Variants in ARHGAP36 observed in about 807,000 individuals in gnomAD.
The protein encoded by ARHGAP36 is Rho GTPase activating protein 36, also known as rho GTPase-activating protein 36.
ARHGAP36 carries 7 observed loss-of-function variants against 32.9 expected under a neutral mutation model. That is an observed-to-expected ratio of 0.21 (90% confidence interval 0.12 to 0.40). The LOEUF (loss-of-function observed/expected upper bound fraction) is 0.40, where lower values mean the gene tolerates loss of function less well. ARHGAP36 is among the 10% of genes least tolerant of loss of function. ARHGAP36 has a pLI of 1.00. For synonymous variants in ARHGAP36, 165 were observed against 168.3 expected, an observed-to-expected ratio of 0.98 and a Z score of 0.15; for missense variants, 383 against 442.2, an observed-to-expected ratio of 0.87 and a Z score of 1.20.
intron 5 of ARHGAP36, 83 bp downstream of exon 5, chrX:131,084,490 C>T: frequency 9.6e-6 from 11 of 1,141,077 alleles, no homozygotes; most frequent in Non-Finnish European, 1.3e-5. Flanking sequence ...AGAAAAGAGG[C>T]CGAGGATGAA....
intron 1 of ARHGAP36, among the ~76,000 whole-genome samples, chrX:131,075,476 G>A (rs1049444663): frequency 9.1e-6 from 1 of 109,876 alleles, no homozygotes; most frequent in Non-Finnish European, 1.9e-5. Context: ...AGGGCTTTTG[G>A]TGTCTTTCTC....
intron 1 of ARHGAP36, among the ~76,000 whole-genome samples, chrX:131,078,102 C>T (rs757448282): frequency 1.4e-4 from 16 of 110,809 alleles, no homozygotes; most frequent in African/African-American, 5.3e-4. Context: ...ACTTTTGAAA[C>T]ATGATTTTTT....
At chrX:131,067,928 A>T (rs2079708734) in intron 1 of ARHGAP36, among the ~76,000 whole-genome samples, 2 of 111,437 alleles carry the variant, frequency 1.8e-5, no homozygotes, top group South Asian at 3.8e-4. Flanking sequence ...CACTCCACAC[A>T]TATGCACACA....
chrX:131,083,558 C>A (rs2079817657), intron 3 of ARHGAP36, among the ~76,000 whole-genome samples, 176 bp from the exon 4 acceptor site: 1 of 111,813 alleles, frequency 8.9e-6, no homozygotes, highest in South Asian at 3.8e-4. Flanking sequence ...TGAGTCCTTT[C>A]GCCAAACCAC....
At chrX:131,081,159 G>A (rs2079795197) in intron 1 of ARHGAP36, among the ~76,000 whole-genome samples, 1 of 109,947 alleles carries the variant, frequency 9.1e-6, no homozygotes, top group African/African-American at 3.3e-5. Flanking sequence ...CTAGGTCAAA[G>A]GGCCTGGGGA....
chrX:131,073,443 G>T (rs763016134), intron 1 of ARHGAP36, among the ~76,000 whole-genome samples: 1 of 112,073 alleles, frequency 8.9e-6, no homozygotes, highest in South Asian at 3.8e-4. Context: ...GCTCAGAGCC[G>T]AGGGCACGCA....
intron 1 of ARHGAP36, among the ~76,000 whole-genome samples, chrX:131,079,841 T>C (rs2079786012): frequency 8.9e-6 from 1 of 111,812 alleles, no homozygotes; most frequent in Non-Finnish European, 1.9e-5. Flanking sequence ...AACCATGAAC[T>C]TGGGAGCTAT....
chrX:131,060,276 A>G (rs1370665111), intron 1 of ARHGAP36, among the ~76,000 whole-genome samples: 1 of 112,093 alleles, frequency 8.9e-6, no homozygotes, highest in African/African-American at 3.3e-5. Flanking sequence ...CTGTGCCCCT[A>G]TAAATATAGT....
chrX:131,086,909 T>G (rs1359421119), intron 11 of ARHGAP36, among the ~76,000 whole-genome samples: 1 of 111,958 alleles, frequency 8.9e-6, no homozygotes, highest in Non-Finnish European at 1.9e-5. Context: ...ATACCAGAGC[T>G]TGATGAGGAA....
At chrX:131,081,432 T>G in intron 1 of ARHGAP36, 92 bp from the exon 2 acceptor site, 1 of 695,062 alleles carries the variant, frequency 1.4e-6, no homozygotes, top group Non-Finnish European at 1.9e-6. Context: ...TTTTCTCTCT[T>G]TGTACTTTTT....
At chrX:131,069,327 T>G (rs1230895505) in intron 1 of ARHGAP36, among the ~76,000 whole-genome samples, 3 of 111,928 alleles carry the variant, frequency 2.7e-5, no homozygotes, top group African/African-American at 9.8e-5. Flanking sequence ...TGGCGCATTA[T>G]GTAAAGTGTC....
In ARHGAP36 at chrX:131,088,971, C is replaced by G. The variant is rs1216178911; in HGVS notation, c.*186C>G. ...AGCCCCTTCACTGGGGATGCTTGGTCTCTTCTGCTGGTAAAAGCAGAGATG... is the reference window on the plus strand; with the variant it reads ...AGCCCCTTCACTGGGGATGCTTGGTGTCTTCTGCTGGTAAAAGCAGAGATG... On this transcript the variant is annotated 3_prime_UTR_variant, in exon 12 of 12. Transcript: ENST00000276211. 1.7e-6 allele frequency: 1 copy of G among 586,569 alleles called. No homozygotes were observed. The highest frequency in any genetic ancestry group is 2.5e-6 in the Non-Finnish European group (1 of 403,358). The allele number at this position is 586,569 out of a possible 1,213,427, so 48.3% of individuals were successfully genotyped here. A position where few individuals can be genotyped will look rare whatever the true frequency, so the allele number is the denominator to read the frequency against.
rs1191855576 is a variant in ARHGAP36, at chrX:131,078,742, A to C, written c.-142-2782A>C. On this transcript the variant is annotated intron_variant, in intron 1 of 11. Coordinates refer to ENST00000276211, the MANE Select transcript of ARHGAP36 (RefSeq NM_144967.4). ...ATTGTATGCTACTGGCACCTTGAGAAGGTTGAAAGCAAGTAAGGCAATGCC... is the reference window on the plus strand; with the variant it reads ...ATTGTATGCTACTGGCACCTTGAGACGGTTGAAAGCAAGTAAGGCAATGCC... 4.1e-6 allele frequency: 4 copies of C among 980,823 alleles called. No individual in the cohort carries two copies. In the African/African-American group the frequency reaches 8.0e-5, roughly 20 times the overall value. The allele number at this position is 980,823 out of a possible 1,213,427, so 80.8% of individuals were successfully genotyped here.
intron 11 of ARHGAP36, among the ~76,000 whole-genome samples, chrX:131,087,014 A>G (rs751669296): frequency 2.5e-4 from 28 of 111,722 alleles, no homozygotes; most frequent in African/African-American, 7.8e-4. Flanking sequence ...GAACTCATTG[A>G]GATCCCAGAC....
At position 131,081,651 on chromosome X, in the gene ARHGAP36, T is replaced by C. The variant is rs760552156; in HGVS notation, c.-15T>C. The C allele has an allele frequency of 8.5e-7, 1 of 1,172,697 alleles. No homozygotes were observed. Among genetic ancestry groups the C allele is most frequent in the South Asian group, 1.8e-5 (1 of 55,813 alleles). On this transcript the variant is annotated 5_prime_UTR_variant, in exon 2 of 12. Transcript: ENST00000276211. The stretch of plus-strand genomic sequence containing the variant: ...CAATTGGATGATGCAGCCTTGATAA[T>C]CATCCGATTCCAGAATGGGTGGCTG...
chrX:131,066,037 C>T (rs2079696958), intron 1 of ARHGAP36, among the ~76,000 whole-genome samples: 1 of 111,352 alleles, frequency 9.0e-6, no homozygotes, highest in Admixed American at 9.5e-5. Flanking sequence ...TCATGCCCCC[C>T]CATAAATGTG....
In ARHGAP36 at chrX:131,088,981, G is replaced by A; in HGVS notation, c.*196G>A. 1 of 529,868 alleles carries A rather than the reference G, an allele frequency of 1.9e-6. No homozygotes were observed. The highest frequency in any genetic ancestry group is 2.8e-6 in the Non-Finnish European group (1 of 356,574). 43.7% of individuals were successfully genotyped at this position (529,868 alleles called of 1,213,427 possible). On this transcript the variant is annotated 3_prime_UTR_variant, in exon 12 of 12. Coordinates refer to ENST00000276211, the MANE Select transcript of ARHGAP36 (RefSeq NM_144967.4). ...CTGGGGATGCTTGGTCTCTTCTGCT[G>A]GTAAAAGCAGAGATGTTTCTGTGTC...
At chrX:131,077,707 A>T (rs1249409269) in intron 1 of ARHGAP36, among the ~76,000 whole-genome samples, 1 of 98,914 alleles carries the variant, frequency 1.0e-5, no homozygotes, top group Admixed American at 1.1e-4. Context: ...TCTTTGTTCA[A>T]ATTCTCTCTC....
rs746284701 is a variant in ARHGAP36, at chrX:131,081,879, G to T, written c.214G>T (p.Val72Leu). ...KLQETAYHEL[V>L]ARHFLSEFKP... is the part of the protein sequence containing the mutation. ...GCAAGAGACTGCTTACCACGAACTC[G>T]TGGCCAGACATTTCCTCTCCGAATT... Residue 72 changes from valine to leucine, a missense_variant, in exon 2 of 12, where the codon GTG becomes TTG. Val to Leu is a conservative substitution (Grantham distance 32). Coordinates refer to ENST00000276211, the MANE Select transcript of ARHGAP36 (RefSeq NM_144967.4). The T allele has an allele frequency of 8.3e-7, 1 of 1,211,904 alleles. No individual in the cohort carries two copies. Among genetic ancestry groups the T allele is most frequent in the Non-Finnish European group, 1.1e-6 (1 of 895,584 alleles).
Sources: gnomAD v4.1 joint callset for allele counts (sites outside exome capture counted in the v4.1 genomes callset) on GRCh38, gnomAD v4.1.1 for gene constraint, MANE v1.5 for transcripts, NCBI Gene and HGNC (gene_info 2026-07-23, HGNC 2026-07-21) for gene names.